Variants in DCLK1 observed in about 807,000 individuals in gnomAD.
The protein encoded by DCLK1 is doublecortin like kinase 1, also known as serine/threonine-protein kinase DCLK1.
Under a neutral mutation model 86.2 loss-of-function variants are expected in DCLK1, and 16 were observed. The ratio of observed to expected loss-of-function variants is 0.19; its 90% CI spans 0.13 to 0.28. The LOEUF (loss-of-function observed/expected upper bound fraction) is 0.28, where lower values mean the gene tolerates loss of function less well. Ranked by LOEUF, DCLK1 falls within the 10% of genes least tolerant of loss-of-function variation. The pLI, the probability that DCLK1 is intolerant of heterozygous loss-of-function variation, is 1.00. For synonymous variants in DCLK1, 369 were observed against 370.5 expected (o/e 1.00, Z 0.05); for missense variants, 590 against 940.2 (o/e 0.63, Z 4.87).
At chr13:36,063,298 G>A (rs1273597291) in intron 3 of DCLK1, among the ~76,000 whole-genome samples, 1 of 151,982 alleles carries the variant, frequency 6.6e-6, no homozygotes, top group African/African-American at 2.4e-5. Flanking sequence ...CCTATCCCAG[G>A]GTCCCAGGGA....
intron 6 of DCLK1, among the ~76,000 whole-genome samples, chr13:35,843,198 C>T (rs760367914): frequency 3.3e-5 from 5 of 152,094 alleles, no homozygotes; most frequent in South Asian, 2.1e-4. Context: ...TGCTTCAATT[C>T]GCTAATTCCA....
intron 3 of DCLK1, among the ~76,000 whole-genome samples, chr13:36,045,688 C>T (rs139334990): frequency 1.3e-3 from 205 of 151,888 alleles, no homozygotes; most frequent in African/African-American, 4.8e-3. Context: ...CCCATATCCA[C>T]TAAAAACACA....
chr13:35,848,811 A>C, intron 6 of DCLK1: 3 of 985,366 alleles, frequency 3.0e-6, no homozygotes, highest in Non-Finnish European at 3.6e-6. Flanking sequence ...AATACATACT[A>C]ATCTTTTATG....
chr13:35,943,250 T>C (rs569692371), intron 4 of DCLK1, among the ~76,000 whole-genome samples: 8 of 152,238 alleles, frequency 5.3e-5, no homozygotes, highest in East Asian at 1.9e-4. Flanking sequence ...AAGCCAAGGA[T>C]TGCTGGCAGC....
chr13:36,045,354 A>C lies in DCLK1; in HGVS notation c.723+66515T>G, dbSNP rs867019497. Among the ~76,000 whole-genome samples, 6 of 128,196 alleles carry C rather than the reference A, an allele frequency of 4.7e-5. 1 individual carries two copies. Among genetic ancestry groups the C allele is most frequent in the East Asian group, 4.8e-4 (2 of 4,190 alleles). 84.1% of individuals were successfully genotyped at this position (128,196 alleles called of 152,430 possible). A position where few individuals can be genotyped will look rare whatever the true frequency, so the allele number is the denominator to read the frequency against. On this transcript the variant is annotated intron_variant, in intron 3 of 16. Coordinates refer to ENST00000360631, the MANE Select transcript of DCLK1 (RefSeq NM_001330071.2). ...TGTGTATATATATATATATATATAT[A>C]TATATATATATATATATATATATTT...
At chr13:35,815,466 C>T (rs953541632) in intron 11 of DCLK1, among the ~76,000 whole-genome samples, 1 of 152,092 alleles carries the variant, frequency 6.6e-6, no homozygotes, top group Non-Finnish European at 1.5e-5. Context: ...CCTGATGAAA[C>T]GTTGGCTAAT....
chr13:35,879,754 T>G (rs1225490701), intron 4 of DCLK1, among the ~76,000 whole-genome samples: 1 of 152,222 alleles, frequency 6.6e-6, no homozygotes. Context: ...CTGTTCCTTG[T>G]TCTACCAGAA....
chr13:36,000,346 T>C (rs1396394616), intron 3 of DCLK1, among the ~76,000 whole-genome samples: 2 of 152,122 alleles, frequency 1.3e-5, no homozygotes, highest in Non-Finnish European at 2.9e-5. Flanking sequence ...GAACACTCTC[T>C]GGCATGTCCC....
At chr13:36,065,205 A>G (rs1883704158) in intron 3 of DCLK1, among the ~76,000 whole-genome samples, 1 of 152,194 alleles carries the variant, frequency 6.6e-6, no homozygotes, top group Non-Finnish European at 1.5e-5. Context: ...TAAATTACTT[A>G]ACCTCTGAGT....
At chr13:35,889,578 T>C (rs1873509427) in intron 4 of DCLK1, among the ~76,000 whole-genome samples, 1 of 152,198 alleles carries the variant, frequency 6.6e-6, no homozygotes, top group Admixed American at 6.5e-5. Context: ...TGACTATTTG[T>C]TAACTTTGTT....
intron 3 of DCLK1, among the ~76,000 whole-genome samples, chr13:35,959,854 CGTGT>C (rs67600362): frequency 0.13 from 19,191 of 149,108 alleles, 1,641 homozygotes; most frequent in African/African-American, 0.23. Flanking sequence ...TACAGCAAGT[CGTGT>C]GTGTGTGTGT....
intron 3 of DCLK1, among the ~76,000 whole-genome samples, chr13:36,005,764 C>T (rs752269184): frequency 8.6e-5 from 13 of 151,954 alleles, no homozygotes; most frequent in African/African-American, 2.7e-4. Context: ...AGAAACCAAC[C>T]GAAATGCCCA....
intron 3 of DCLK1, among the ~76,000 whole-genome samples, chr13:35,984,875 C>G (rs552748877): frequency 6.7e-6 from 1 of 149,748 alleles, no homozygotes; most frequent in Admixed American, 6.7e-5. Context: ...CGACAGCAAC[C>G]CTGTGCCCCC....
chr13:35,900,635 T>C lies in DCLK1; in HGVS notation c.824-29295A>G, dbSNP rs539781467. ...ACTTTACAGCAGTGTTTCTCAACCTTTGCACTATTGGGCTAGATAATTCTT... is the reference window on the plus strand; with the variant it reads ...ACTTTACAGCAGTGTTTCTCAACCTCTGCACTATTGGGCTAGATAATTCTT... On this transcript the variant is annotated intron_variant, in intron 4 of 16. Transcript: ENST00000360631. 2.6e-5 allele frequency among the ~76,000 whole-genome samples: 4 copies of C among 152,314 alleles called. No individual in the cohort carries two copies. In the East Asian group the frequency reaches 5.8e-4, roughly 22 times the overall value.
intron 4 of DCLK1, among the ~76,000 whole-genome samples, chr13:35,936,844 T>C (rs1342746216): frequency 6.6e-6 from 1 of 151,934 alleles, no homozygotes; most frequent in Non-Finnish European, 1.5e-5. Flanking sequence ...AAACAGGGAC[T>C]GAGAGAGACT....
At chr13:35,896,765 G>A (rs1417596731) in intron 4 of DCLK1, among the ~76,000 whole-genome samples, 1 of 152,086 alleles carries the variant, frequency 6.6e-6, no homozygotes, top group Non-Finnish European at 1.5e-5. Context: ...CCTTTAGAGG[G>A]GAGGGAGAGA....
At chr13:35,908,155 A>G (rs1361698319) in intron 4 of DCLK1, among the ~76,000 whole-genome samples, 2 of 152,210 alleles carry the variant, frequency 1.3e-5, no homozygotes, top group African/African-American at 4.8e-5. Context: ...TGAGGTTTGA[A>G]TTAGTTGGAG....
intron 3 of DCLK1, among the ~76,000 whole-genome samples, chr13:35,975,903 G>GC (rs1370019090): frequency 6.6e-6 from 1 of 152,158 alleles, no homozygotes; most frequent in African/African-American, 2.4e-5. Context: ...CTTCCACAAT[G>GC]CACTACCAGC....
intron 4 of DCLK1, among the ~76,000 whole-genome samples, chr13:35,923,426 A>C (rs1356171798): frequency 2.0e-5 from 3 of 151,336 alleles, no homozygotes; most frequent in Non-Finnish European, 2.9e-5. Context: ...CATCTGAGTC[A>C]CTGGGAACAC....
Sources: gnomAD v4.1 joint callset for allele counts (sites outside exome capture counted in the v4.1 genomes callset) on GRCh38, gnomAD v4.1.1 for gene constraint, MANE v1.5 for transcripts, NCBI Gene and HGNC (gene_info 2026-07-23, HGNC 2026-07-21) for gene names.